The following FRAS1 variants were observed in gnomAD, a reference collection of about 807,000 sequenced individuals.
The protein encoded by FRAS1 is extracellular matrix organizing protein FRAS1.
FRAS1 carries 290 observed loss-of-function variants against 435.2 expected under a neutral mutation model. The ratio of observed to expected loss-of-function variants is 0.67; its 90% confidence interval spans 0.61 to 0.73. FRAS1 has a LOEUF of 0.73. FRAS1 is among the 30% of genes least tolerant of loss of function. FRAS1 has a pLI of 0.00. For synonymous variants in FRAS1, 1,800 were observed against 1,851.0 expected, an observed-to-expected ratio of 0.97 and a Z score of 0.71; for missense variants, 4,860 against 5,001.5, an observed-to-expected ratio of 0.97 and a Z score of 0.85.
rs529080720 is a variant in FRAS1 at position 78,242,289 on chromosome 4, A to G, written c.217-2944A>G. On this transcript the variant is annotated intron_variant, in intron 3 of 73. Coordinates refer to ENST00000512123, the MANE Select transcript of FRAS1 (RefSeq NM_025074.7). ...TGTCAAGAACCTTGGGCCTTGGCTC[A>G]TGTCCCAGTGTGATTTTTACTCTAC... 5.1e-4 allele frequency among the ~76,000 whole-genome samples: 77 copies of G among 152,312 alleles called. 1 individual carries two copies. Among genetic ancestry groups the G allele is most frequent in the African/African-American group, 1.7e-3 (72 of 41,566 alleles).
chr4:78,211,754 A>G lies in FRAS1; in HGVS notation c.109-25756A>G, dbSNP rs534061137. Among the ~76,000 whole-genome samples, 5 of 152,376 alleles carry G rather than the reference A, an allele frequency of 3.3e-5. No individual in the cohort carries two copies. The South Asian group carries it at 1.0e-3, about 32-fold the overall frequency. On this transcript the variant is annotated intron_variant, in intron 2 of 73. Transcript: ENST00000512123. The stretch of plus-strand genomic sequence containing the variant: ...TTTAACTGTGTAATTCAGTGGCATT[A>G]ATCACATTCATGGTGTTGTGCAACC...
At chr4:78,200,659 T>C (rs1436983333) in intron 2 of FRAS1, among the ~76,000 whole-genome samples, 1 of 151,104 alleles carries the variant, frequency 6.6e-6, no homozygotes, top group African/African-American at 2.4e-5. Context: ...TGTATTGCAT[T>C]TTTTTTTTCC....
At chr4:78,398,856 A>G (rs1012829686) in intron 29 of FRAS1, among the ~76,000 whole-genome samples, 1 of 152,118 alleles carries the variant, frequency 6.6e-6, no homozygotes, top group Non-Finnish European at 1.5e-5. Context: ...GGTGGTAGGC[A>G]CCTATAATCC....
At chr4:78,319,853 G>T (rs1729429248) in intron 18 of FRAS1, among the ~76,000 whole-genome samples, 1 of 152,202 alleles carries the variant, frequency 6.6e-6, no homozygotes, top group African/African-American at 2.4e-5. Flanking sequence ...TAGGTTAAAA[G>T]ATTTCAGGCA....
intron 2 of FRAS1, among the ~76,000 whole-genome samples, chr4:78,199,831 T>C (rs919016681): frequency 6.6e-6 from 1 of 152,194 alleles, no homozygotes; most frequent in Non-Finnish European, 1.5e-5. Context: ...ATTTAATGAA[T>C]GGAAAGTGCT....
At chr4:78,082,756 T>G (rs533513019) in intron 2 of FRAS1, among the ~76,000 whole-genome samples, 1 of 151,218 alleles carries the variant, frequency 6.6e-6, no homozygotes, top group Admixed American at 6.6e-5. Flanking sequence ...CAAAATCAAT[T>G]AATTGATCCT....
rs375807410 is a variant in FRAS1, at chr4:78,540,900, G to A, written c.11815G>A (p.Ala3939Thr). The change falls in exon 74 of 74, where the codon GCA becomes ACA. Residue 3939 changes from alanine (A) to threonine (T), a missense_variant. Physicochemically the swap from Ala to Thr is moderately conservative, Grantham distance 58 (BLOSUM62 0). Transcript: ENST00000512123. ...CCAGAAACAGAGGAAGAAGAAGCCC[G>A]CAGAGGACATTTTGGAAGAATATCC... ...KCQKQRKKKP[A>T]EDILEEYPLN... The A allele has an allele frequency of 1.6e-4, 258 of 1,613,844 alleles. 2 individuals carry two copies. The South Asian group carries it at 2.4e-3, about 15-fold the overall frequency.
At chr4:78,426,700 T>G (rs1734010367) in intron 35 of FRAS1, among the ~76,000 whole-genome samples, 1 of 152,224 alleles carries the variant, frequency 6.6e-6, no homozygotes, top group African/African-American at 2.4e-5. Flanking sequence ...AGGCAAGTGG[T>G]GCTCACAGGG....
chr4:78,125,673 T>C (rs1304415432), intron 2 of FRAS1, among the ~76,000 whole-genome samples: 2 of 152,312 alleles, frequency 1.3e-5, no homozygotes, highest in East Asian at 3.9e-4. Context: ...GGAGGTCCAC[T>C]CCAGATGCTG....
chr4:78,174,610 C>T (rs1247248958), intron 2 of FRAS1, among the ~76,000 whole-genome samples: 4 of 152,232 alleles, frequency 2.6e-5, no homozygotes, highest in African/African-American at 9.6e-5. Flanking sequence ...TACCAACTGT[C>T]TAACAATTAA....
chr4:78,424,520 A>G, intron 35 of FRAS1, 100 bp downstream of exon 35: 1 of 517,142 alleles, frequency 1.9e-6, no homozygotes, highest in South Asian at 4.1e-5. Flanking sequence ...CTATTTTCTA[A>G]GAACTACTTA....
At chr4:78,462,132 G>A (rs1282129447) in intron 47 of FRAS1, among the ~76,000 whole-genome samples, 2 of 152,196 alleles carry the variant, frequency 1.3e-5, no homozygotes, top group Admixed American at 6.5e-5. Flanking sequence ...CACTTTGGGA[G>A]GCCGAGGCAG....
At chr4:78,446,362 G>A (rs1718830019) in intron 42 of FRAS1, 2 of 1,067,874 alleles carry the variant, frequency 1.9e-6, no homozygotes, top group African/African-American at 3.4e-5. Context: ...GGTATGCTTA[G>A]CATTTTCTAA....
intron 2 of FRAS1, among the ~76,000 whole-genome samples, chr4:78,075,979 T>C (rs1402130964): frequency 6.6e-6 from 1 of 152,208 alleles, no homozygotes; most frequent in Non-Finnish European, 1.5e-5. Flanking sequence ...TTACATTCTG[T>C]AGGCAGTGGG....
intron 66 of FRAS1, among the ~76,000 whole-genome samples, chr4:78,518,997 G>C (rs764554228): frequency 6.6e-6 from 1 of 152,148 alleles, no homozygotes; most frequent in African/African-American, 2.4e-5. Context: ...GTTGATCCTT[G>C]AGAATAATTG....
At chr4:78,473,140 A>C (rs1274154956) in intron 52 of FRAS1, among the ~76,000 whole-genome samples, 1 of 152,172 alleles carries the variant, frequency 6.6e-6, no homozygotes, top group Admixed American at 6.5e-5. Context: ...CAACATTCAC[A>C]GACATTTATT....
At chr4:78,223,845 T>C (rs1273804137) in intron 2 of FRAS1, among the ~76,000 whole-genome samples, 1 of 152,166 alleles carries the variant, frequency 6.6e-6, no homozygotes, top group African/African-American at 2.4e-5. Context: ...ACCCAAGAAA[T>C]GGAAATAGAA....
chr4:78,083,626 G>GTTTTTTTTTTTTT (rs35633131), intron 2 of FRAS1, among the ~76,000 whole-genome samples: 1 of 108,304 alleles, frequency 9.2e-6, no homozygotes, highest in Non-Finnish European at 1.8e-5. Context: ...TGCAAGTTCT[G>GTTTTTTTTTTTTT]TTTTTTTTTT....
chr4:78,081,332 T>G (rs1431736028), intron 2 of FRAS1, among the ~76,000 whole-genome samples: 1 of 152,194 alleles, frequency 6.6e-6, no homozygotes, highest in Non-Finnish European at 1.5e-5. Context: ...ATGCAGCTAG[T>G]GTGAAAGAGG....
Sources: gnomAD v4.1 joint callset for allele counts (sites outside exome capture counted in the v4.1 genomes callset) on GRCh38, gnomAD v4.1.1 for gene constraint, MANE v1.5 for transcripts, NCBI Gene and HGNC (gene_info 2026-07-23, HGNC 2026-07-21) for gene names.